SVIL: variants seen among roughly 807,000 people sequenced by gnomAD.
SVIL encodes archvillin.
SVIL carries 101 observed loss-of-function variants against 240.4 expected under a neutral mutation model. That is an observed-to-expected ratio of 0.42 (90% CI 0.36 to 0.50). SVIL has a LOEUF of 0.50. SVIL is among the 20% of genes least tolerant of loss of function. SVIL has a pLI of 0.01. For missense variants in SVIL, 2,512 were observed against 2,818.7 expected (o/e 0.89, Z 2.46); for synonymous variants, 999 against 1,100.0 (o/e 0.91, Z 1.82).
At chr10:29,693,121 C>T (rs1308534494) in intron 1 of SVIL, among the ~76,000 whole-genome samples, 1 of 152,174 alleles carries the variant, frequency 6.6e-6, no homozygotes, top group Admixed American at 6.5e-5. Flanking sequence ...ACCTAACCCT[C>T]ATCATAATCC....
chr10:29,480,678 G>T lies in SVIL; in HGVS notation c.5236C>A (p.Gln1746Lys), dbSNP rs1206766524. Residue 1746 changes from glutamine to lysine, a missense_variant, in exon 29 of 38, where the codon CAG becomes AAG. Coordinates refer to ENST00000355867, the MANE Select transcript of SVIL (RefSeq NM_021738.3). ...ACGGAAACGCTGGTGATCTCAAACTGCCTCCTGTCGTGTCCTTCCACCAGG... is the reference window on the plus strand; with the variant it reads ...ACGGAAACGCTGGTGATCTCAAACTTCCTCCTGTCGTGTCCTTCCACCAGG... ...YGLVEGHDRR[Q>K]FEITSVSVDV... is the part of the protein sequence containing the mutation. 1 of 1,614,204 alleles carries T rather than the reference G, an allele frequency of 6.2e-7. No individual in the cohort carries two copies. Among genetic ancestry groups the T allele is most frequent in the South Asian group, 1.1e-5 (1 of 91,086 alleles).
At chr10:29,633,048 A>G (rs1958165744) in intron 1 of SVIL, among the ~76,000 whole-genome samples, 1 of 152,094 alleles carries the variant, frequency 6.6e-6, no homozygotes, top group South Asian at 2.1e-4. Flanking sequence ...CCTGGCCAAC[A>G]TAGTGAAACC....
rs183968068 is a variant in SVIL at position 29,493,796 on chromosome 10, C to T, written c.3842-405G>A. Among the ~76,000 whole-genome samples the T allele has an allele frequency of 3.7e-3, 559 of 152,206 alleles. 5 individuals carry two copies. The highest frequency in any genetic ancestry group is 0.013 in the African/African-American group (534 of 41,512). Reference sequence around the variant, plus strand: ...GAGGGGTGACATGGGGCCTGTGTTGCGACAACTCAGTTCTGCTGTCTTAAT... The same window carrying T: ...GAGGGGTGACATGGGGCCTGTGTTGTGACAACTCAGTTCTGCTGTCTTAAT... On this transcript the variant is annotated intron_variant, in intron 20 of 37. Coordinates refer to ENST00000355867, the MANE Select transcript of SVIL (RefSeq NM_021738.3).
At chr10:29,470,094 A>C (rs531713528) in intron 32 of SVIL, among the ~76,000 whole-genome samples, 182 bp downstream of exon 32, 2 of 152,178 alleles carry the variant, frequency 1.3e-5, no homozygotes, top group African/African-American at 4.8e-5. Flanking sequence ...GGAGGTCTGG[A>C]CTGAGATGTG....
intron 2 of SVIL, among the ~76,000 whole-genome samples, chr10:29,669,268 G>A (rs1959576887): frequency 6.6e-6 from 1 of 152,148 alleles, no homozygotes; most frequent in Non-Finnish European, 1.5e-5. Context: ...GAAAGAACAA[G>A]CATCAACTCC....
intron 2 of SVIL, among the ~76,000 whole-genome samples, chr10:29,678,718 G>A (rs181641888): frequency 9.1e-4 from 139 of 152,314 alleles, no homozygotes; most frequent in African/African-American, 3.2e-3. Flanking sequence ...ACAAGCTTTT[G>A]TCCAAAATGA....
rs184675493 is a variant in SVIL at position 29,592,714 on chromosome 10, A to G, written c.-200-23402T>C. On this transcript the variant is annotated intron_variant, in intron 1 of 37. Transcript: ENST00000355867. ...GCAAGGTGAACTTCGTTAGGTAAAAATCTTCTCTTGGGGTAAAAGAAGCCT... is the reference window on the plus strand; with the variant it reads ...GCAAGGTGAACTTCGTTAGGTAAAAGTCTTCTCTTGGGGTAAAAGAAGCCT... Among the ~76,000 whole-genome samples the G allele has an allele frequency of 6.4e-3, 974 of 152,312 alleles. 9 individuals are homozygous for G. The highest frequency in any genetic ancestry group is 8.6e-3 in the Non-Finnish European group (583 of 68,020).
intron 2 of SVIL, among the ~76,000 whole-genome samples, chr10:29,682,461 T>C (rs1960735073): frequency 6.6e-6 from 1 of 152,218 alleles, no homozygotes; most frequent in Non-Finnish European, 1.5e-5. Flanking sequence ...TGGCATAAAG[T>C]AGCAACCAAA....
chr10:29,723,798 GA>G (rs752490535), intron 1 of SVIL, among the ~76,000 whole-genome samples: 29 of 152,000 alleles, frequency 1.9e-4, no homozygotes, highest in Non-Finnish European at 3.2e-4. Context: ...AAAATTGTGG[GA>G]AAACCATTGA....
At chr10:29,672,776 C>T (rs948853080) in intron 2 of SVIL, among the ~76,000 whole-genome samples, 3 of 151,958 alleles carry the variant, frequency 2.0e-5, no homozygotes, top group African/African-American at 4.8e-5. Context: ...ATTCCATGTT[C>T]TCTTGAGCTA....
chr10:29,628,990 G>T (rs1237308993), intron 1 of SVIL, among the ~76,000 whole-genome samples: 1 of 152,102 alleles, frequency 6.6e-6, no homozygotes, highest in Admixed American at 6.5e-5. Context: ...TCCATCCCAG[G>T]GAGGCTGCGG....
chr10:29,532,415 T>C, intron 8 of SVIL, 114 bp downstream of exon 8: 1 of 1,460,288 alleles, frequency 6.8e-7, no homozygotes, highest in Non-Finnish European at 9.1e-7. Flanking sequence ...CTGCACGCAC[T>C]TGTGAGCTAA....
intron 32 of SVIL, chr10:29,469,108 T>C (rs954621227): frequency 5.9e-5 from 9 of 152,176 alleles, no homozygotes; most frequent in African/African-American, 2.2e-4. Flanking sequence ...ACTCAATAAA[T>C]GTTTGTTGAG....
chr10:29,482,364 C>G (rs572743412), intron 27 of SVIL, among the ~76,000 whole-genome samples: 2 of 152,132 alleles, frequency 1.3e-5, no homozygotes, highest in South Asian at 4.1e-4. Flanking sequence ...TGGGGTGGCA[C>G]GCTGGGTGGG....
At position 29,458,601 on chromosome 10, in the gene SVIL, G is replaced by C. The variant is rs767193520; in HGVS notation, c.6403-12C>G. 6.2e-7 allele frequency: 1 copy of C among 1,611,256 alleles called. No homozygotes were observed. The highest frequency in any genetic ancestry group is 1.3e-5 in the African/African-American group (1 of 74,882). On this transcript the variant is annotated splice_polypyrimidine_tract_variant and intron_variant, in intron 36 of 37. Transcript: ENST00000355867. ...GAAACTTCCGTGTCCTAGAGAAGAG[G>C]AGGGGGCAGAGAGGAGAGCTCGTGT...
chr10:29,520,971 C>T (rs951234138), intron 16 of SVIL, among the ~76,000 whole-genome samples: 1 of 150,940 alleles, frequency 6.6e-6, no homozygotes, highest in African/African-American at 2.4e-5. Context: ...CGCCTGTAAT[C>T]CCAGCACTTT....
chr10:29,640,516 T>C (rs561668278), intron 3 of SVIL, among the ~76,000 whole-genome samples: 50 of 152,290 alleles, frequency 3.3e-4, no homozygotes, highest in Non-Finnish European at 5.9e-4. Flanking sequence ...AGACTGGTGA[T>C]TGATTCCCTG....
rs1174122128 is a variant in SVIL, at chr10:29,465,637, T to C, written c.6091A>G (p.Met2031Val). The C allele has an allele frequency of 6.2e-7, 1 of 1,613,856 alleles. No individual in the cohort carries two copies. Among genetic ancestry groups the C allele is most frequent in the African/African-American group, 1.3e-5 (1 of 74,930 alleles). Reference protein sequence around the residue: ...PARAPSVVSSMPFLQEDLYSA... With the variant: ...PARAPSVVSSVPFLQEDLYSA... ...TACAGATCTTCCTGCAGGAAGGGCATGGAACTGACCACAGAGGGGGCTCGG... is the reference window on the plus strand; with the variant it reads ...TACAGATCTTCCTGCAGGAAGGGCACGGAACTGACCACAGAGGGGGCTCGG... Residue 2031 changes from methionine (M) to valine (V), a missense_variant, in exon 34 of 38, where the codon ATG (methionine) becomes GTG (valine). Around this residue, in one of 3 missense-constraint regions of SVIL, gnomAD observed 797 missense variants for 925.3 expected, o/e 0.86. Coordinates refer to ENST00000355867, the MANE Select transcript of SVIL (RefSeq NM_021738.3).
intron 1 of SVIL, among the ~76,000 whole-genome samples, chr10:29,732,825 T>C (rs945644204): frequency 3.3e-5 from 5 of 152,262 alleles, no homozygotes; most frequent in African/African-American, 1.2e-4. Context: ...AATACATATT[T>C]CCTTTTCACC....
Sources: gnomAD v4.1 joint callset for allele counts (sites outside exome capture counted in the v4.1 genomes callset) on GRCh38, gnomAD v4.1.1 for gene constraint, gnomAD v4.1.1 regional missense constraint, MANE v1.5 for transcripts, NCBI Gene and HGNC (gene_info 2026-07-23, HGNC 2026-07-21) for gene names.